Variants in DOCK3 observed in about 807,000 individuals in gnomAD.
DOCK3 encodes dedicator of cytokinesis 3.
DOCK3 carries 60 observed loss-of-function variants against 265.6 expected under a neutral mutation model. The ratio of observed to expected loss-of-function variants is 0.23; its 90% confidence interval spans 0.18 to 0.28. The LOEUF is 0.28. Among genes scored for constraint, DOCK3 ranks in the 10% least tolerant of loss-of-function variants. The probability of loss-of-function intolerance (pLI) is 1.00; values close to 1 mark genes in which losing one functional copy is unlikely to be tolerated. For synonymous variants in DOCK3, 881 were observed against 938.0 expected (o/e 0.94, Z 1.11); for missense variants, 1,981 against 2,594.3 (o/e 0.76, Z 5.14).
chr3:50,830,693 G>A (rs988864780), intron 2 of DOCK3, among the ~76,000 whole-genome samples: 2 of 152,162 alleles, frequency 1.3e-5, no homozygotes, highest in Non-Finnish European at 2.9e-5. Context: ...TTCTCTGTCA[G>A]TACCAATTGT....
intron 51 of DOCK3, chr3:51,379,351 G>T (rs2088415336): frequency 2.1e-6 from 2 of 973,134 alleles, no homozygotes; most frequent in Admixed American, 1.2e-4. Flanking sequence ...ATGTGTGCTG[G>T]ATACGTGGTG....
In DOCK3 at chr3:50,736,169, C is replaced by G. The variant is rs192558492; in HGVS notation, c.38-42506C>G. On this transcript the variant is annotated intron_variant, in intron 1 of 52. Transcript: ENST00000266037. ...TGCAGTGTTTGTTTTTTTTGTCTTG[C>G]GATAGTTTGCTGAGAATGATGGTTT... Among the ~76,000 whole-genome samples the G allele has an allele frequency of 7.9e-5, 12 of 152,032 alleles. No individual in the cohort carries two copies. In the East Asian group the frequency reaches 2.3e-3, roughly 29 times the overall value.
chr3:51,246,941 C>G, intron 22 of DOCK3, 134 bp downstream of exon 22: 1 of 858,194 alleles, frequency 1.2e-6, no homozygotes, highest in Non-Finnish European at 1.8e-6. Flanking sequence ...CTGTCTTGAT[C>G]CACATAATTT....
At chr3:51,187,592 C>T (rs1039659669) in intron 12 of DOCK3, among the ~76,000 whole-genome samples, 2 of 152,052 alleles carry the variant, frequency 1.3e-5, no homozygotes, top group Admixed American at 1.3e-4. Flanking sequence ...TGTGTCCCCA[C>T]CCAAATCTCA....
intron 12 of DOCK3, among the ~76,000 whole-genome samples, chr3:51,178,461 C>G (rs1348296512): frequency 2.0e-5 from 3 of 152,154 alleles, no homozygotes; most frequent in Non-Finnish European, 4.4e-5. Context: ...ATTCAGCGTT[C>G]ACACCCCCAT....
At chr3:51,246,508 A>G (rs1045721639) in intron 21 of DOCK3, among the ~76,000 whole-genome samples, 3 of 152,208 alleles carry the variant, frequency 2.0e-5, no homozygotes, top group Non-Finnish European at 4.4e-5. Context: ...GGAAAAAGTT[A>G]TTTTAGTTGC....
In DOCK3 at chr3:51,312,010, A is replaced by C; in HGVS notation, c.3024A>C (p.Ile1008=). The C allele has an allele frequency of 6.2e-7, 1 of 1,600,120 alleles. No individual in the cohort carries two copies. Among genetic ancestry groups the C allele is most frequent in the Admixed American group, 1.7e-5 (1 of 58,296 alleles). Residue 1008 remains isoleucine, a synonymous_variant, in exon 29 of 53, where the codon ATA becomes ATC. Transcript: ENST00000266037. ...MVMRLLTSNI[I]VTTVQYLSSA... ...CCTTGTTTCCTTACTGCAGTATTATAGTCACTACTGTCCAGTACCTGTCCT... is the reference window on the plus strand; with the variant it reads ...CCTTGTTTCCTTACTGCAGTATTATCGTCACTACTGTCCAGTACCTGTCCT...
At chr3:51,176,274 C>G (rs544283718) in intron 12 of DOCK3, among the ~76,000 whole-genome samples, 21 of 152,226 alleles carry the variant, frequency 1.4e-4, no homozygotes, top group African/African-American at 5.1e-4. Flanking sequence ...TCTGTATTCT[C>G]TTCCTTTCTT....
chr3:50,720,031 G>A (rs2037376297), intron 1 of DOCK3: 2 of 251,638 alleles, frequency 7.9e-6, no homozygotes, highest in East Asian at 2.0e-4. Context: ...CACTAATTCT[G>A]TGTTCTGCTT....
chr3:51,210,297 C>T (rs2108161950), intron 13 of DOCK3, among the ~76,000 whole-genome samples: 1 of 152,288 alleles, frequency 6.6e-6, no homozygotes, highest in Non-Finnish European at 1.5e-5. Context: ...AACTCACAGA[C>T]ACTTGCCATT....
intron 19 of DOCK3, among the ~76,000 whole-genome samples, chr3:51,233,343 TATCTATCTATC>T (rs2078210256): frequency 1.7e-4 from 8 of 46,120 alleles, no homozygotes; most frequent in Admixed American, 5.6e-4. Flanking sequence ...TCTATCTATC[TATCTATCTATC>T]TATCTATTTA....
chr3:50,743,800 TC>T (rs1384379002), intron 1 of DOCK3, among the ~76,000 whole-genome samples: 2 of 152,172 alleles, frequency 1.3e-5, no homozygotes, highest in Non-Finnish European at 2.9e-5. Flanking sequence ...GGAGTAGAAT[TC>T]CTAGAGCATA....
chr3:50,886,273 A>G (rs1216789073), intron 3 of DOCK3, among the ~76,000 whole-genome samples: 3 of 150,428 alleles, frequency 2.0e-5, no homozygotes, highest in African/African-American at 7.3e-5. Context: ...TGTTTATTTC[A>G]TCTTCCCAGA....
At chr3:50,860,085 T>G (rs2046833769) in intron 3 of DOCK3, among the ~76,000 whole-genome samples, 1 of 152,146 alleles carries the variant, frequency 6.6e-6, no homozygotes, top group Non-Finnish European at 1.5e-5. Flanking sequence ...ATTTGCTCAG[T>G]GCAGTCAGTC....
chr3:51,362,481 C>A, intron 48 of DOCK3, 46 bp from the exon 49 acceptor site: 1 of 1,612,332 alleles, frequency 6.2e-7, no homozygotes, highest in Non-Finnish European at 8.5e-7. Flanking sequence ...GCCCTAAAGT[C>A]CTGGCCATTC....
intron 2 of DOCK3, among the ~76,000 whole-genome samples, chr3:50,792,321 T>G (rs1277821106): frequency 6.6e-6 from 1 of 152,188 alleles, no homozygotes; most frequent in African/African-American, 2.4e-5. Context: ...TCTGAGACTT[T>G]GCTGAAGTTG....
chr3:51,175,853 C>A (rs1311860043), intron 12 of DOCK3, among the ~76,000 whole-genome samples: 1 of 152,188 alleles, frequency 6.6e-6, no homozygotes, highest in Non-Finnish European at 1.5e-5. Context: ...GCTCAAATTT[C>A]TCTCTCCTTG....
chr3:51,128,664 G>A (rs908716344), intron 9 of DOCK3, among the ~76,000 whole-genome samples: 2 of 152,202 alleles, frequency 1.3e-5, no homozygotes. Context: ...TGTGATAGAA[G>A]AGGTCCAATA....
chr3:51,000,649 CT>C (rs2078445944), intron 5 of DOCK3, among the ~76,000 whole-genome samples: 1 of 93,470 alleles, frequency 1.1e-5, no homozygotes, highest in Admixed American at 1.3e-4. Flanking sequence ...CTGACATTTT[CT>C]TTTTCTTTTT....
Sources: allele counts gnomAD v4.1 joint callset (sites outside exome capture counted in the v4.1 genomes callset), GRCh38; gene constraint gnomAD v4.1.1; transcripts MANE v1.5; gene names NCBI Gene and HGNC (gene_info 2026-07-23, HGNC 2026-07-21).